The following ATP2A1 variants were observed in gnomAD, a reference collection of about 807,000 sequenced individuals.
The protein encoded by ATP2A1 is ATPase sarcoplasmic/endoplasmic reticulum Ca2+ transporting 1, also known as sarcoplasmic/endoplasmic reticulum calcium ATPase 1.
Under a neutral mutation model 109.5 loss-of-function variants are expected in ATP2A1, and 83 were observed. The ratio of observed to expected loss-of-function variants is 0.76; its 90% CI spans 0.63 to 0.91. The LOEUF (loss-of-function observed/expected upper bound fraction) is 0.91, where lower values mean the gene tolerates loss of function less well. Ranked by LOEUF, ATP2A1 falls within the 40% of genes least tolerant of loss-of-function variation. ATP2A1 has a pLI of 0.00. For missense variants in ATP2A1, 1,101 were observed against 1,341.0 expected (o/e 0.82, Z 2.80); for synonymous variants, 505 against 537.6 (o/e 0.94, Z 0.84).
chr16:28,896,038 G>A, intron 12 of ATP2A1, among the ~76,000 whole-genome samples: 1 of 152,112 alleles, frequency 6.6e-6, no homozygotes, highest in East Asian at 1.9e-4. Context: ...ACAGCGCACT[G>A]CAGCCTTGAA....
intron 8 of ATP2A1, 93 bp from the exon 9 acceptor site, chr16:28,888,694 C>A: frequency 1.4e-6 from 2 of 1,453,024 alleles, no homozygotes; most frequent in Non-Finnish European, 1.9e-6. Flanking sequence ...TGTGCACCAA[C>A]GTGCCCAGCT....
At position 28,904,428 on chromosome 16, in the gene ATP2A1, A is replaced by G; in HGVS notation, c.*286A>G. 1 of 1,532,240 alleles carries G rather than the reference A, an allele frequency of 6.5e-7. No homozygotes were observed. Among genetic ancestry groups the G allele is most frequent in the Non-Finnish European group, 8.7e-7 (1 of 1,144,728 alleles). 94.9% of individuals were successfully genotyped at this position (1,532,240 alleles called of 1,614,324 possible). On this transcript the variant is annotated 3_prime_UTR_variant, in exon 23 of 23. Coordinates refer to ENST00000395503, the MANE Select transcript of ATP2A1 (RefSeq NM_004320.6). ...AGGGACAAGGCGACCGACTGCGCTGAGCTGCTTATTTATTGAAAATAAACG... is the reference window on the plus strand; with the variant it reads ...AGGGACAAGGCGACCGACTGCGCTGGGCTGCTTATTTATTGAAAATAAACG...
At chr16:28,901,680 A>G (rs1286790238) in intron 15 of ATP2A1, among the ~76,000 whole-genome samples, 183 bp from the exon 16 acceptor site, 1 of 150,984 alleles carries the variant, frequency 6.6e-6, no homozygotes, top group Non-Finnish European at 1.5e-5. Flanking sequence ...TTTTTGGCCA[A>G]GTGTGGTGGC....
At chr16:28,896,582 T>C (rs971897319) in intron 12 of ATP2A1, among the ~76,000 whole-genome samples, 3 of 152,080 alleles carry the variant, frequency 2.0e-5, no homozygotes, top group African/African-American at 7.2e-5. Context: ...CCAACTAATT[T>C]TTGTATTTTT....
At chr16:28,879,929 C>G (rs1338642640) in intron 3 of ATP2A1, 9 of 944,494 alleles carry the variant, frequency 9.5e-6, no homozygotes, top group Non-Finnish European at 1.2e-5. Flanking sequence ...CACTGCCACT[C>G]CCGGCATGCG....
At position 28,900,611 on chromosome 16, in the gene ATP2A1, A is replaced by C; in HGVS notation, c.1795A>C (p.Met599Leu). The C allele has an allele frequency of 6.3e-7, 1 of 1,584,122 alleles. No individual in the cohort carries two copies. Among genetic ancestry groups the C allele is most frequent in the South Asian group, 1.2e-5 (1 of 85,358 alleles). ...TDLTFVGVVG[M>L]LDPPRKEVTG... ...CCTGACATTCGTGGGTGTAGTGGGC[A>C]TGCTGGACCCTCCGCGCAAGGAGGT... Residue 599 changes from methionine to leucine, a missense_variant, in exon 15 of 23, where the codon ATG (methionine) becomes CTG (leucine). Coordinates refer to ENST00000395503, the MANE Select transcript of ATP2A1 (RefSeq NM_004320.6).
intron 9 of ATP2A1, 95 bp from the exon 10 acceptor site, chr16:28,894,060 G>T: frequency 9.9e-7 from 1 of 1,009,840 alleles, no homozygotes; most frequent in South Asian, 1.3e-5. Context: ...ATGGTGGGAA[G>T]GTAGGTGTTG....
In ATP2A1 at chr16:28,898,362, C is replaced by G; in HGVS notation, c.1675C>G (p.Leu559Val). 2 of 1,614,192 alleles carry G rather than the reference C, an allele frequency of 1.2e-6. No homozygotes were observed. Among genetic ancestry groups the G allele is most frequent in the Non-Finnish European group, 1.7e-6 (2 of 1,180,024 alleles). Residue 559 changes from leucine to valine, a missense_variant, in exon 14 of 23, where the codon CTG becomes GTG. Physicochemically the swap from Leu to Val is conservative, Grantham distance 32. Coordinates refer to ENST00000395503, the MANE Select transcript of ATP2A1 (RefSeq NM_004320.6). The surrounding 1 kb of genome is among the most constrained non-coding windows in gnomAD (Gnocchi z 4.0). ...IKEWGTGRDT[L>V]RCLALATRDT... ...GGAGTGGGGCACTGGCCGGGACACC[C>G]TGCGCTGCTTGGCCCTGGCCACCCG...
At chr16:28,879,638 C>A in intron 3 of ATP2A1, 55 bp downstream of exon 3, 2 of 1,558,106 alleles carry the variant, frequency 1.3e-6, no homozygotes, top group Non-Finnish European at 1.8e-6. Context: ...TGGGATCGGG[C>A]GAATGCGGGG....
chr16:28,881,066 A>G (rs1290526577), intron 4 of ATP2A1, 47 bp downstream of exon 4: 3 of 1,569,894 alleles, frequency 1.9e-6, no homozygotes, highest in Non-Finnish European at 2.6e-6. Context: ...ACAGTGAAGA[A>G]GAGGCCAACC....
At position 28,902,156 on chromosome 16, in the gene ATP2A1, C is replaced by G. The variant is rs752889387; in HGVS notation, c.2322-28C>G. The G allele has an allele frequency of 6.2e-7, 1 of 1,613,702 alleles. No individual in the cohort carries two copies. Among genetic ancestry groups the G allele is most frequent in the Non-Finnish European group, 8.5e-7 (1 of 1,179,576 alleles). ...GTGGCTGCAGGTCTGGGAGGCAGGA[C>G]AGAGGTGTGACCACCTCCTTCCCAC... is the stretch of plus-strand genomic sequence containing the variant. On this transcript the variant is annotated intron_variant, in intron 16 of 22. Transcript: ENST00000395503. The surrounding 1 kb of genome is among the most constrained non-coding windows in gnomAD (Gnocchi z 4.8).
rs1567477034 is a variant in ATP2A1 at position 28,878,698 on chromosome 16, G to A, written c.27G>A (p.Thr9=). Residue 9 remains threonine, a synonymous_variant, in exon 1 of 23, where the codon ACG becomes ACA. Transcript: ENST00000395503. The part of the protein sequence containing the change: MEAAHAKT[T]EECLAYFGVS... The stretch of plus-strand genomic sequence containing the variant: ...TGGAGGCCGCTCATGCTAAAACCAC[G>A]GAGGAATGTTTGGCCTATTTTGGGG... 1 of 1,609,126 alleles carries A rather than the reference G, an allele frequency of 6.2e-7. No individual in the cohort carries two copies. Among genetic ancestry groups the A allele is most frequent in the Non-Finnish European group, 8.5e-7 (1 of 1,177,572 alleles).
At chr16:28,900,469 CCCT>C in intron 14 of ATP2A1, 109 bp from the exon 15 acceptor site, 1 of 902,806 alleles carries the variant, frequency 1.1e-6, no homozygotes. Context: ...GGCTTCCCAC[CCCT>C]CCCCACCACT....
chr16:28,900,506 AC>A, intron 14 of ATP2A1, 74 bp from the exon 15 acceptor site: 3 of 810,222 alleles, frequency 3.7e-6, no homozygotes, highest in East Asian at 4.4e-5. Flanking sequence ...CCCCATCCCC[AC>A]CCCCCACCAG....
chr16:28,900,959 T>G, intron 15 of ATP2A1, 43 bp downstream of exon 15: 2 of 1,609,610 alleles, frequency 1.2e-6, no homozygotes, highest in Middle Eastern at 1.7e-4. Context: ...TCCACGGAGA[T>G]GACCAGATGA....
chr16:28,882,873 G>A (rs1284965366), intron 5 of ATP2A1, among the ~76,000 whole-genome samples: 1 of 152,160 alleles, frequency 6.6e-6, no homozygotes, highest in Non-Finnish European at 1.5e-5. Context: ...GGTGGAACCC[G>A]GTCCCTGCCA....
At chr16:28,878,916 T>C (rs1963359840) in intron 1 of ATP2A1, 127 bp downstream of exon 1, 2 of 1,338,040 alleles carry the variant, frequency 1.5e-6, no homozygotes, top group African/African-American at 1.4e-5. Flanking sequence ...TGTCCAATGC[T>C]CGCAGGGGGA....
In ATP2A1 at chr16:28,878,492, G is replaced by A. The variant is rs145725044; in HGVS notation, c.-180G>A. Reference sequence around the variant, plus strand: ...ACCAGCTGGGGGCCGGGGGGTGGCCGGCTGCTCAAGTGGGACGGGGGTCAG... The same window carrying A: ...ACCAGCTGGGGGCCGGGGGGTGGCCAGCTGCTCAAGTGGGACGGGGGTCAG... On this transcript the variant is annotated 5_prime_UTR_variant, in exon 1 of 23. Transcript: ENST00000395503. 3.8e-4 allele frequency: 248 copies of A among 650,264 alleles called. 3 individuals are homozygous for A. In the African/African-American group the frequency reaches 4.1e-3, roughly 11 times the overall value. The allele number at this position is 650,264 out of a possible 1,614,324, so 40.3% of individuals were successfully genotyped here.
rs1050979137 is a variant in ATP2A1 at position 28,880,584 on chromosome 16, C to G, written c.220-331C>G. Among the ~76,000 whole-genome samples, 9 of 152,246 alleles carry G rather than the reference C, an allele frequency of 5.9e-5. No homozygotes were observed. Among genetic ancestry groups the G allele is most frequent in the Non-Finnish European group, 1.2e-4 (8 of 68,042 alleles). ...GTTTTTCCTCTCGGGTTTTGGCTCC[C>G]GTGGGATGGATGTGGCTGTGCGGGG... On this transcript the variant is annotated intron_variant, in intron 3 of 22. Coordinates refer to ENST00000395503, the MANE Select transcript of ATP2A1 (RefSeq NM_004320.6). The surrounding 1 kb of genome is among the most constrained non-coding windows in gnomAD (Gnocchi z 4.2).
Sources: gnomAD v4.1 joint callset for allele counts (sites outside exome capture counted in the v4.1 genomes callset) on GRCh38, gnomAD v4.1.1 for gene constraint, Gnocchi (gnomAD v3.1) non-coding constraint, MANE v1.5 for transcripts, NCBI Gene and HGNC (gene_info 2026-07-23, HGNC 2026-07-21) for gene names.